Variants in FGFR1 observed in about 807,000 individuals in gnomAD.
FGFR1 encodes FGFR1/PLAG1 fusion.
Under a neutral mutation model 93.7 loss-of-function variants are expected in FGFR1, and 18 were observed. That is an observed-to-expected ratio of 0.19 (90% CI 0.13 to 0.28). FGFR1 has a LOEUF of 0.28. Among genes scored for constraint, FGFR1 ranks in the 10% least tolerant of loss-of-function variants. The pLI is 1.00. For synonymous variants in FGFR1, 448 were observed against 429.3 expected (o/e 1.04, Z -0.54); for missense variants, 731 against 1,080.4 (o/e 0.68, Z 4.53).
Position 38,422,250 on chromosome 8 carries a change from G to A in FGFR1, c.937-309C>T, listed in dbSNP as rs985189557. On this transcript the variant is annotated intron_variant, in intron 7 of 17. Coordinates refer to ENST00000447712, the MANE Select transcript of FGFR1 (RefSeq NM_023110.3). ...GTGAGCGGCATGGAGAAATGGGGCC[G>A]GCGGGCAGGGGCTGTTTGGTTTCAG... 15 of 475,286 alleles carry A rather than the reference G, an allele frequency of 3.2e-5. No homozygotes were observed. In the East Asian group the frequency reaches 4.1e-4, roughly 13 times the overall value. The allele number at this position is 475,286 out of a possible 1,614,324, so 29.4% of individuals were successfully genotyped here. A position where few individuals can be genotyped will look rare whatever the true frequency, so the allele number is the denominator to read the frequency against.
At chr8:38,464,777 TA>T (rs1835153235) in intron 1 of FGFR1, among the ~76,000 whole-genome samples, 1 of 152,194 alleles carries the variant, frequency 6.6e-6, no homozygotes, top group African/African-American at 2.4e-5. Flanking sequence ...GAATCAATTC[TA>T]ACTCCTTTTC....
At chr8:38,457,244 T>C in intron 2 of FGFR1, 112 bp downstream of exon 2, 1 of 1,218,408 alleles carries the variant, frequency 8.2e-7, no homozygotes, top group African/African-American at 1.5e-5. Flanking sequence ...TTGCTCCACT[T>C]GGGAAGGAGC....
chr8:38,445,171 C>T (rs188753257), intron 2 of FGFR1, among the ~76,000 whole-genome samples: 1 of 152,340 alleles, frequency 6.6e-6, no homozygotes, highest in Admixed American at 6.5e-5. Flanking sequence ...GAGCACAAAG[C>T]TCCCTCTGAT....
At chr8:38,421,530 G>T in intron 8 of FGFR1, 1 of 537,612 alleles carries the variant, frequency 1.9e-6, no homozygotes, top group Non-Finnish European at 3.4e-6. Context: ...GGTAAACCCA[G>T]ATCCCGGGCA....
intron 8 of FGFR1, among the ~76,000 whole-genome samples, chr8:38,420,866 G>A (rs919525271): frequency 6.6e-6 from 1 of 152,220 alleles, no homozygotes; most frequent in African/African-American, 2.4e-5. Flanking sequence ...ACAGGGAGAA[G>A]TGTTGCTGTT....
Position 38,468,080 on chromosome 8 carries a change from C to G in FGFR1, c.-188G>C. 4.4e-6 allele frequency: 1 copy of G among 225,000 alleles called. No homozygotes were observed. The highest frequency in any genetic ancestry group is 8.9e-6 in the Non-Finnish European group (1 of 112,662). The allele number at this position is 225,000 out of a possible 1,614,324, so 13.9% of individuals were successfully genotyped here. On this transcript the variant is annotated 5_prime_UTR_variant, in exon 1 of 18. Coordinates refer to ENST00000447712, the MANE Select transcript of FGFR1 (RefSeq NM_023110.3). Reference sequence around the variant, plus strand: ...GGCTCCGGCCCGCCGCCCCCGGGCTCTGTTCGGGTCCTGGCGGGGTCGCAA... The same window carrying G: ...GGCTCCGGCCCGCCGCCCCCGGGCTGTGTTCGGGTCCTGGCGGGGTCGCAA...
intron 1 of FGFR1, among the ~76,000 whole-genome samples, chr8:38,460,078 G>A (rs886615102): frequency 6.6e-6 from 1 of 152,156 alleles, no homozygotes; most frequent in African/African-American, 2.4e-5. Flanking sequence ...AGCTACTCAG[G>A]AGGCTAACGC....
chr8:38,441,057 G>A (rs779351374), intron 2 of FGFR1, among the ~76,000 whole-genome samples: 4 of 151,600 alleles, frequency 2.6e-5, no homozygotes, highest in African/African-American at 7.3e-5. Flanking sequence ...CCCTGCACCC[G>A]CCCCGAGACC....
chr8:38,418,805 G>A (rs911585196), intron 9 of FGFR1: 75 of 249,590 alleles, frequency 3.0e-4, no homozygotes, highest in Non-Finnish European at 1.3e-4. Flanking sequence ...ATTTCCTCCC[G>A]TGGGGAAGGG....
intron 7 of FGFR1, chr8:38,422,197 G>A (rs991633923): frequency 5.7e-6 from 3 of 523,390 alleles, no homozygotes; most frequent in Non-Finnish European, 1.0e-5. Flanking sequence ...GATGCTGGCA[G>A]CCACTGGCCC....
rs1820939912 is a variant in FGFR1, at chr8:38,426,851, G to A, written c.622-606C>T. Among the ~76,000 whole-genome samples the A allele has an allele frequency of 6.6e-6, 1 of 152,212 alleles. No homozygotes were observed. The highest frequency in any genetic ancestry group is 6.5e-5 in the Admixed American group (1 of 15,282). On this transcript the variant is annotated intron_variant, in intron 5 of 17. Coordinates refer to ENST00000447712, the MANE Select transcript of FGFR1 (RefSeq NM_023110.3). The surrounding 1 kb of genome is among the most constrained non-coding windows in gnomAD (Gnocchi z 4.1). ...TTTCTGGCTGGGTGCGGTGGCTCAA[G>A]CCTGTAATCCCAGCTCTTTGGGAGG... is the stretch of plus-strand genomic sequence containing the variant.
At chr8:38,447,366 G>C (rs943832837) in intron 2 of FGFR1, among the ~76,000 whole-genome samples, 1 of 152,050 alleles carries the variant, frequency 6.6e-6, no homozygotes, top group Admixed American at 6.5e-5. Flanking sequence ...ACTTAAGATA[G>C]GTTACTTAAC....
Position 38,412,556 on chromosome 8 carries a change from G to A in FGFR1, c.*1072C>T, listed in dbSNP as rs529318365. 17 of 233,410 alleles carry A rather than the reference G, an allele frequency of 7.3e-5. 1 individual carries two copies. The highest frequency in any genetic ancestry group is 3.6e-4 in the South Asian group (2 of 5,524). The allele number at this position is 233,410 out of a possible 1,614,324, so 14.5% of individuals were successfully genotyped here. ...CTTTTTCTGACTTTCCAAAAGCAGCGGAGAGGCAGGAGGTGCGTCGTGAGG... is the reference window on the plus strand; with the variant it reads ...CTTTTTCTGACTTTCCAAAAGCAGCAGAGAGGCAGGAGGTGCGTCGTGAGG... On this transcript the variant is annotated 3_prime_UTR_variant, in exon 18 of 18. Transcript: ENST00000447712.
intron 1 of FGFR1, among the ~76,000 whole-genome samples, chr8:38,460,175 T>A (rs895300509): frequency 1.3e-5 from 2 of 152,084 alleles, no homozygotes; most frequent in African/African-American, 4.8e-5. Context: ...GGAGTGAGAC[T>A]CTGTCTCAAA....
intron 1 of FGFR1, among the ~76,000 whole-genome samples, chr8:38,458,666 A>G (rs932123258): frequency 2.0e-5 from 3 of 152,212 alleles, no homozygotes; most frequent in African/African-American, 7.2e-5. Context: ...GAAGCCAGGT[A>G]CAGAGATAAC....
chr8:38,460,805 C>G (rs150409204), intron 1 of FGFR1, among the ~76,000 whole-genome samples: 3 of 152,274 alleles, frequency 2.0e-5, no homozygotes, highest in Non-Finnish European at 4.4e-5. Context: ...CTGTCTGGGA[C>G]CCTGCCACCT....
chr8:38,424,524 A>G lies in FGFR1; in HGVS notation c.921T>C (p.Tyr307=), dbSNP rs377010221. ...CCATGATTACCTTCAAGATCTGGAC[A>G]TAAGGCAGGTTGTCTGGGCCAATCT... ...GSKIGPDNLP[Y]VQILKTAGVN... is the part of the protein sequence containing the mutation. The change falls in exon 7 of 18, where the codon TAT becomes TAC. Residue 307 remains tyrosine (Y), a synonymous_variant. Coordinates refer to ENST00000447712, the MANE Select transcript of FGFR1 (RefSeq NM_023110.3). This position sits in a 1 kb window ranked among gnomAD's most constrained non-coding sequence, Gnocchi z 4.3. The G allele has an allele frequency of 3.4e-5, 55 of 1,614,036 alleles. No individual in the cohort carries two copies. In the African/African-American group the frequency reaches 4.4e-4, roughly 13 times the overall value.
At chr8:38,461,114 G>A (rs551618658) in intron 1 of FGFR1, 3 of 1,536,094 alleles carry the variant, frequency 2.0e-6, no homozygotes, top group African/African-American at 2.7e-5. Context: ...CATCACAGGT[G>A]GTTATGAAGA....
rs1175350192 is a variant in FGFR1 at position 38,457,454 on chromosome 8, C to A, written c.-8G>T. On this transcript the variant is annotated 5_prime_UTR_variant, in exon 2 of 18. Coordinates refer to ENST00000447712, the MANE Select transcript of FGFR1 (RefSeq NM_023110.3). ...GCACTTCCAGCTCCACATCCCAGTT[C>A]TGCAGTTAGAGGTTGGTGACAAGGC... 3 of 1,613,936 alleles carry A rather than the reference C, an allele frequency of 1.9e-6. No individual in the cohort carries two copies. The highest frequency in any genetic ancestry group is 2.5e-6 in the Non-Finnish European group (3 of 1,180,016).
Sources: gnomAD v4.1 joint callset for allele counts (sites outside exome capture counted in the v4.1 genomes callset) on GRCh38, gnomAD v4.1.1 for gene constraint, Gnocchi (gnomAD v3.1) non-coding constraint, MANE v1.5 for transcripts, NCBI Gene and HGNC (gene_info 2026-07-23, HGNC 2026-07-21) for gene names.